Variants in FMNL3 observed in about 807,000 individuals in gnomAD.
FMNL3 encodes formin like 3.
Under a neutral mutation model 119.6 loss-of-function variants are expected in FMNL3, and 57 were observed. That is an observed-to-expected ratio of 0.48 (90% CI 0.39 to 0.59). The LOEUF is 0.59. FMNL3 is among the 20% of genes least tolerant of loss of function. The pLI is 0.00. For missense variants in FMNL3, 1,053 were observed against 1,323.5 expected (o/e 0.80, Z 3.17); for synonymous variants, 491 against 507.3 (o/e 0.97, Z 0.43).
chr12:49,642,829 C>G lies in FMNL3; in HGVS notation c.*2986G>C, dbSNP rs143914076. The G allele has an allele frequency of 5.1e-4, 742 of 1,447,430 alleles. 4 individuals carry two copies. The African/African-American group carries it at 8.7e-3, about 17-fold the overall frequency. 89.7% of individuals were successfully genotyped at this position (1,447,430 alleles called of 1,614,324 possible). On this transcript the variant is annotated 3_prime_UTR_variant, in exon 26 of 26. Transcript: ENST00000335154. This position sits in a 1 kb window ranked among gnomAD's most constrained non-coding sequence, Gnocchi z 5.8. ...GGATCCCTGGGATAGGCAGAAGGCT[C>G]TAGTCTGAGAAAGGGAGGCAAAGCC...
At position 49,664,904 on chromosome 12, in the gene FMNL3, C is replaced by A. The variant is rs7965178; in HGVS notation, c.368+928G>T. The stretch of plus-strand genomic sequence containing the variant: ...GATGTCATTTGGCTGTCTCTAACCC[C>A]CTGTCAGGAAGCCTGGGCACCCCAC... On this transcript the variant is annotated intron_variant, in intron 4 of 25. Transcript: ENST00000335154. 9.5e-3 allele frequency among the ~76,000 whole-genome samples: 1,453 copies of A among 152,196 alleles called. 16 individuals carry two copies. The highest frequency in any genetic ancestry group is 0.029 in the African/African-American group (1,208 of 41,496).
intron 2 of FMNL3, among the ~76,000 whole-genome samples, chr12:49,667,206 G>A (rs1409164847): frequency 1.1e-4 from 16 of 152,064 alleles, no homozygotes; most frequent in Admixed American, 7.9e-4. Context: ...CTGGTGGGTG[G>A]AGGGGCTGAA....
chr12:49,692,523 G>A (rs1434420504), intron 1 of FMNL3, among the ~76,000 whole-genome samples: 1 of 152,064 alleles, frequency 6.6e-6, no homozygotes, highest in East Asian at 1.9e-4. Context: ...TAATAGGTTG[G>A]TGTTTATTTT....
At chr12:49,651,571 A>C in intron 14 of FMNL3, 121 bp from the exon 15 acceptor site, 3 of 883,210 alleles carry the variant, frequency 3.4e-6, no homozygotes, top group Non-Finnish European at 4.7e-6. Flanking sequence ...TCAGAGAAGG[A>C]GCCTACATGA....
Position 49,647,652 on chromosome 12 carries a change from C to A in FMNL3, c.2778+51G>T, listed in dbSNP as rs1943249425. 3.3e-6 allele frequency: 5 copies of A among 1,526,444 alleles called. No homozygotes were observed. In the East Asian group the frequency reaches 1.1e-4, roughly 34 times the overall value. 94.6% of individuals were successfully genotyped at this position (1,526,444 alleles called of 1,614,324 possible). ...TACTTTAAGCCCAGGCTTCTCTCCC[C>A]CAGCCAGTTTTCTCGCAACCAAACT... On this transcript the variant is annotated intron_variant, in intron 23 of 25. Transcript: ENST00000335154. This position sits in a 1 kb window ranked among gnomAD's most constrained non-coding sequence, Gnocchi z 4.9.
At position 49,651,154 on chromosome 12, in the gene FMNL3, C is replaced by T. The variant is rs1320049147; in HGVS notation, c.1797+14G>A. On this transcript the variant is annotated intron_variant, in intron 16 of 25. Transcript: ENST00000335154. ...GCCCTCAACCTTAGCCCTCTGGACCCCAGGCCCTGTTACCTCCAAGATCTT... is the reference window on the plus strand; with the variant it reads ...GCCCTCAACCTTAGCCCTCTGGACCTCAGGCCCTGTTACCTCCAAGATCTT... 1 of 1,611,794 alleles carries T rather than the reference C, an allele frequency of 6.2e-7. No individual in the cohort carries two copies. The highest frequency in any genetic ancestry group is 1.3e-5 in the African/African-American group (1 of 75,014).
At chr12:49,656,351 C>G in intron 9 of FMNL3, 53 bp downstream of exon 9, 1 of 1,470,378 alleles carries the variant, frequency 6.8e-7, no homozygotes, top group South Asian at 1.2e-5. Context: ...ACCTAGCTCC[C>G]TGCCTTCTCC....
rs745471581 is a variant in FMNL3, at chr12:49,649,923, A to C, written c.2003T>G (p.Phe668Cys). The change falls in exon 18 of 26, where the codon TTT (phenylalanine) becomes TGT (cysteine). Residue 668 changes from phenylalanine (F) to cysteine (C), a missense_variant and splice_region_variant. By Grantham distance (205) the Phe-to-Cys change is radical. Around this residue, in one of 4 missense-constraint regions of FMNL3, gnomAD observed 445 missense variants for 628.4 expected, o/e 0.71. Transcript: ENST00000335154. The surrounding 1 kb of genome is among the most constrained non-coding windows in gnomAD (Gnocchi z 5.6). ...AEEICRAIHTFDLQTLPVDFV... is the reference protein window; with the variant it reads ...AEEICRAIHTCDLQTLPVDFV... ...GTCCACAGGTAGTGTCTGCAAGTCA[A>C]ACCTGTGGAGGAGGGAGGGACCACC... 1.9e-5 allele frequency: 30 copies of C among 1,612,844 alleles called. No homozygotes were observed. The highest frequency in any genetic ancestry group is 2.5e-5 in the Non-Finnish European group (30 of 1,179,548).
At chr12:49,646,442 G>GACC (rs1219522807) in intron 25 of FMNL3, among the ~76,000 whole-genome samples, 2 of 152,228 alleles carry the variant, frequency 1.3e-5, no homozygotes, top group Non-Finnish European at 2.9e-5. Flanking sequence ...GTGGGAGAGA[G>GACC]ACCACTTCCC....
chr12:49,646,442 G>A (rs944152125), intron 25 of FMNL3, among the ~76,000 whole-genome samples: 1 of 152,228 alleles, frequency 6.6e-6, no homozygotes, highest in Admixed American at 6.5e-5. Flanking sequence ...GTGGGAGAGA[G>A]ACCACTTCCC....
At chr12:49,657,372 C>T (rs1022020637) in intron 6 of FMNL3, among the ~76,000 whole-genome samples, 182 bp from the exon 7 acceptor site, 1 of 152,186 alleles carries the variant, frequency 6.6e-6, no homozygotes, top group African/African-American at 2.4e-5. Context: ...CCTGTTTTCA[C>T]CTCCTTAAAC....
In FMNL3 at chr12:49,640,745, C is replaced by T. The variant is rs1433626079; in HGVS notation, c.*5070G>A. The T allele has an allele frequency of 6.6e-6, 1 of 152,148 alleles. No individual in the cohort carries two copies. The highest frequency in any genetic ancestry group is 2.4e-5 in the African/African-American group (1 of 41,428). 9.4% of individuals were successfully genotyped at this position (152,148 alleles called of 1,614,324 possible). A position where few individuals can be genotyped will look rare whatever the true frequency, so the allele number is the denominator to read the frequency against. ...ATAGGTTCTCAATAAATGTTTATTC[C>T]TTTTCCTTTCTGCTGCATTTCAAGA... On this transcript the variant is annotated 3_prime_UTR_variant, in exon 26 of 26. Coordinates refer to ENST00000335154, the MANE Select transcript of FMNL3 (RefSeq NM_175736.5).
At chr12:49,669,755 C>G (rs2138873761) in intron 1 of FMNL3, among the ~76,000 whole-genome samples, 1 of 152,268 alleles carries the variant, frequency 6.6e-6, no homozygotes, top group East Asian at 1.9e-4. Context: ...TTGCTTGAAC[C>G]TGGGAGGTGG....
At position 49,666,234 on chromosome 12, in the gene FMNL3, T is replaced by A. The variant is rs759088317; in HGVS notation, c.211-27A>T. ...TGTAAGGGAAACATGCATATGCGTA[T>A]CCACAAAGACAACCAGAGACCTGAG... On this transcript the variant is annotated intron_variant, in intron 2 of 25. Transcript: ENST00000335154. The A allele has an allele frequency of 1.9e-6, 3 of 1,598,736 alleles. No homozygotes were observed. The South Asian group carries it at 3.3e-5, about 18-fold the overall frequency.
rs1943123098 is a variant in FMNL3, at chr12:49,645,120, A to AAAAC, written c.*694_*695insGTTT. 3 of 151,836 alleles carry AAAAC rather than the reference A, an allele frequency of 2.0e-5. No individual in the cohort carries two copies. Among genetic ancestry groups the AAAAC allele is most frequent in the African/African-American group, 7.2e-5 (3 of 41,406 alleles). 9.4% of individuals were successfully genotyped at this position (151,836 alleles called of 1,614,324 possible). On this transcript the variant is annotated 3_prime_UTR_variant, in exon 26 of 26. Transcript: ENST00000335154. ...GTCCCCTGCCAAAAAAAAAAAAAAA[A>AAAAC]AAAAAAAAACCGTAGCTGAGGAAAG...
chr12:49,640,245 A>G lies in FMNL3; in HGVS notation c.*5570T>C, dbSNP rs1410053915. 1 of 152,252 alleles carries G rather than the reference A, an allele frequency of 6.6e-6. No homozygotes were observed. The highest frequency in any genetic ancestry group is 1.5e-5 in the Non-Finnish European group (1 of 68,048). 9.4% of individuals were successfully genotyped at this position (152,252 alleles called of 1,614,324 possible). On this transcript the variant is annotated 3_prime_UTR_variant, in exon 26 of 26. Coordinates refer to ENST00000335154, the MANE Select transcript of FMNL3 (RefSeq NM_175736.5). Reference sequence around the variant, plus strand: ...GATCCATGGAGGATGCTCATGAGAAATATATTCTCTTGAGATCTGTTGAAT... The same window carrying G: ...GATCCATGGAGGATGCTCATGAGAAGTATATTCTCTTGAGATCTGTTGAAT...
Position 49,647,898 on chromosome 12 carries a change from G to A in FMNL3, c.2677-94C>T, listed in dbSNP as rs891534475. 27 of 1,056,274 alleles carry A rather than the reference G, an allele frequency of 2.6e-5. No individual in the cohort carries two copies. Among genetic ancestry groups the A allele is most frequent in the Non-Finnish European group, 3.8e-5 (27 of 716,490 alleles). The allele number at this position is 1,056,274 out of a possible 1,614,324, so 65.4% of individuals were successfully genotyped here. A position where few individuals can be genotyped will look rare whatever the true frequency, so the allele number is the denominator to read the frequency against. Reference sequence around the variant, plus strand: ...AGAGGCCTGCAGAAAGCAGAGCCCAGGGCCAAAGGGAGGAAAACCAAGCAC... The same window carrying A: ...AGAGGCCTGCAGAAAGCAGAGCCCAAGGCCAAAGGGAGGAAAACCAAGCAC... On this transcript the variant is annotated intron_variant, in intron 22 of 25. Coordinates refer to ENST00000335154, the MANE Select transcript of FMNL3 (RefSeq NM_175736.5). This position sits in a 1 kb window ranked among gnomAD's most constrained non-coding sequence, Gnocchi z 4.9.
At chr12:49,688,354 T>G in intron 1 of FMNL3, 1 of 455,276 alleles carries the variant, frequency 2.2e-6, no homozygotes, top group Non-Finnish European at 4.4e-6. Flanking sequence ...ACTCTTAACC[T>G]TATAAAGCAT....
chr12:49,664,953 A>C (rs1943847212), intron 4 of FMNL3, among the ~76,000 whole-genome samples: 1 of 145,628 alleles, frequency 6.9e-6, no homozygotes, highest in Non-Finnish European at 1.5e-5. Context: ...TCCACTGCTC[A>C]CTCATAAGCA....
Sources: gnomAD v4.1 joint callset for allele counts (sites outside exome capture counted in the v4.1 genomes callset) on GRCh38, gnomAD v4.1.1 for gene constraint, gnomAD v4.1.1 regional missense constraint, Gnocchi (gnomAD v3.1) non-coding constraint, MANE v1.5 for transcripts, NCBI Gene and HGNC (gene_info 2026-07-23, HGNC 2026-07-21) for gene names.